Variants in BCAP29 observed in about 807,000 individuals in gnomAD.
BCAP29 encodes the protein B cell receptor associated protein 29, also known as B-cell receptor-associated protein 29.
BCAP29 carries 34 observed loss-of-function variants against 31.8 expected under a neutral mutation model. The observed-to-expected ratio is 1.07, with a 90% CI of 0.81 to 1.42. The LOEUF (loss-of-function observed/expected upper bound fraction) is 1.42. Among genes scored for constraint, BCAP29 ranks in the 40% most tolerant of loss-of-function variants. The pLI is 0.00. For synonymous variants in BCAP29, 104 were observed against 91.3 expected (o/e 1.14, Z -0.79); for missense variants, 314 against 269.2 (o/e 1.17, Z -1.16).
intron 5 of BCAP29, 35 bp downstream of exon 5, chr7:107,596,037 T>C (rs1809759106): frequency 6.5e-7 from 1 of 1,530,316 alleles, no homozygotes; most frequent in Admixed American, 2.2e-5. Flanking sequence ...TAAATGTTGT[T>C]GGTGTTCCCG....
At chr7:107,611,393 C>T (rs1008651987) in intron 6 of BCAP29, among the ~76,000 whole-genome samples, 1 of 152,002 alleles carries the variant, frequency 6.6e-6, no homozygotes, top group African/African-American at 2.4e-5. Flanking sequence ...ATAGTGAGAC[C>T]TCATCTCTAC....
intron 7 of BCAP29, chr7:107,616,232 C>T (rs1814108227): frequency 6.6e-6 from 1 of 152,302 alleles, no homozygotes; most frequent in South Asian, 2.1e-4. Flanking sequence ...GAGGCCTTCT[C>T]CTTTATGACT....
intron 2 of BCAP29, among the ~76,000 whole-genome samples, chr7:107,581,844 C>A (rs1806730916): frequency 6.6e-6 from 1 of 152,070 alleles, no homozygotes; most frequent in African/African-American, 2.4e-5. Context: ...TTGTTTCTTA[C>A]TAAAGAAAAA....
rs1001990259 is a variant in BCAP29 at position 107,605,812 on chromosome 7, C to T, written c.589+5307C>T. The stretch of plus-strand genomic sequence containing the variant: ...GTAAATACTTTTCTAATGATATCAG[C>T]TTATGGCAGGTTCATGTTTATGGCC... On this transcript the variant is annotated intron_variant, in intron 6 of 7. Transcript: ENST00000005259. Among the ~76,000 whole-genome samples the T allele has an allele frequency of 8.2e-4, 125 of 152,162 alleles. 1 individual carries two copies. The highest frequency in any genetic ancestry group is 2.9e-3 in the African/African-American group (120 of 41,450).
At position 107,598,929 on chromosome 7, in the gene BCAP29, A is replaced by G. The variant is rs1023076112; in HGVS notation, c.481-1468A>G. ...CACACACACACACACACACACACACACACGCACGCACATATATGTGCACAC... is the reference window on the plus strand; with the variant it reads ...CACACACACACACACACACACACACGCACGCACGCACATATATGTGCACAC... On this transcript the variant is annotated intron_variant, in intron 5 of 7. Transcript: ENST00000005259. Among the ~76,000 whole-genome samples, 609 of 143,252 alleles carry G rather than the reference A, an allele frequency of 4.3e-3. 3 individuals are homozygous for G. Among genetic ancestry groups the G allele is most frequent in the Middle Eastern group, 7.1e-3 (2 of 280 alleles). The allele number at this position is 143,252 out of a possible 152,430, so 94.0% of individuals were successfully genotyped here.
intron 7 of BCAP29, among the ~76,000 whole-genome samples, chr7:107,616,813 G>A (rs138230496): frequency 0.011 from 1,635 of 152,040 alleles, 14 homozygotes; most frequent in Non-Finnish European, 0.018. Context: ...ATCTCAGCTC[G>A]CTGCAACCTC....
chr7:107,599,165 A>ATATATT (rs1176842965), intron 5 of BCAP29, among the ~76,000 whole-genome samples: 2 of 120,212 alleles, frequency 1.7e-5, no homozygotes, highest in African/African-American at 3.1e-5. Flanking sequence ...ATTTATAAAT[A>ATATATT]TATAAATATA....
chr7:107,623,281 G>A (rs1051850156), downstream of BCAP29: 2 of 152,120 alleles, frequency 1.3e-5, no homozygotes, highest in African/African-American at 4.8e-5. Context: ...TGCCTTTTAT[G>A]TTGGGATCTT....
intron 3 of BCAP29, among the ~76,000 whole-genome samples, chr7:107,593,386 T>C (rs1809229390): frequency 6.6e-6 from 1 of 152,230 alleles, no homozygotes. Flanking sequence ...AAGGAGCAGC[T>C]ATCTGAACCT....
In BCAP29 at chr7:107,615,236, C is replaced by T. The variant is rs1195400092; in HGVS notation, c.690+1804C>T. 3 of 456,676 alleles carry T rather than the reference C, an allele frequency of 6.6e-6. 1 individual carries two copies. The highest frequency in any genetic ancestry group is 4.6e-5 in the South Asian group (3 of 64,572). The allele number at this position is 456,676 out of a possible 1,614,324, so 28.3% of individuals were successfully genotyped here. ...CAGTGAGATTTCCTCAACCCATTTC[C>T]TCCCCACAGAAAAGCCACAGTCAGC... is the stretch of plus-strand genomic sequence containing the variant. On this transcript the variant is annotated intron_variant, in intron 7 of 7. Transcript: ENST00000005259.
intron 3 of BCAP29, among the ~76,000 whole-genome samples, chr7:107,587,107 G>A (rs1807842763): frequency 6.6e-6 from 1 of 152,148 alleles, no homozygotes; most frequent in South Asian, 2.1e-4. Flanking sequence ...AAGTGTGTGT[G>A]CATGTGTGTG....
At chr7:107,590,832 A>G (rs985333981) in intron 3 of BCAP29, among the ~76,000 whole-genome samples, 2 of 147,486 alleles carry the variant, frequency 1.4e-5, no homozygotes, top group Non-Finnish European at 3.0e-5. Context: ...AAAAAAAAAA[A>G]AAAAGAAAGA....
At chr7:107,611,194 A>G (rs922507683) in intron 6 of BCAP29, among the ~76,000 whole-genome samples, 1 of 152,148 alleles carries the variant, frequency 6.6e-6, no homozygotes, top group African/African-American at 2.4e-5. Context: ...TCCCAATACG[A>G]TCACATTGGT....
intron 3 of BCAP29, among the ~76,000 whole-genome samples, chr7:107,585,391 G>A (rs1249605512): frequency 6.6e-6 from 1 of 152,098 alleles, no homozygotes; most frequent in East Asian, 1.9e-4. Context: ...TTTGTCTCAT[G>A]GTACATTATT....
chr7:107,594,265 T>G (rs1464302964), intron 4 of BCAP29, 160 bp downstream of exon 4: 6 of 629,700 alleles, frequency 9.5e-6, no homozygotes, highest in African/African-American at 1.8e-5. Context: ...CATAGCTCAC[T>G]GTAACTTCAA....
At chr7:107,589,793 T>C (rs1808383182) in intron 3 of BCAP29, among the ~76,000 whole-genome samples, 1 of 152,174 alleles carries the variant, frequency 6.6e-6, no homozygotes, top group African/African-American at 2.4e-5. Context: ...CTACCAAGGA[T>C]TGGAATCATA....
chr7:107,590,070 A>ACC (rs1216781427), intron 3 of BCAP29, among the ~76,000 whole-genome samples: 2 of 152,216 alleles, frequency 1.3e-5, no homozygotes, highest in African/African-American at 4.8e-5. Context: ...ATTAGAAAAT[A>ACC]TTTTAACTGA....
At chr7:107,584,444 C>T (rs886617031) in intron 3 of BCAP29, among the ~76,000 whole-genome samples, 2 of 152,226 alleles carry the variant, frequency 1.3e-5, no homozygotes, top group African/African-American at 4.8e-5. Context: ...CGAGGTGGCT[C>T]AGGCCTGTAA....
intron 6 of BCAP29, among the ~76,000 whole-genome samples, chr7:107,605,286 T>G (rs1229003926): frequency 5.3e-5 from 8 of 152,200 alleles, no homozygotes; most frequent in Admixed American, 5.2e-4. Flanking sequence ...ATATCTACCC[T>G]GAGGAGAAGC....
Sources: gnomAD v4.1 joint callset for allele counts (sites outside exome capture counted in the v4.1 genomes callset) on GRCh38, gnomAD v4.1.1 for gene constraint, MANE v1.5 for transcripts, NCBI Gene and HGNC (gene_info 2026-07-23, HGNC 2026-07-21) for gene names.